Variants in TMEM108 observed in about 807,000 individuals in gnomAD.
TMEM108 encodes transmembrane protein 108, also known as cancer/testis antigen 124.
A neutral mutation model predicts 35.1 loss-of-function variants in TMEM108; 12 were observed. The ratio of observed to expected loss-of-function variants is 0.34; its 90% CI spans 0.22 to 0.55. The LOEUF is 0.55. Ranked by LOEUF, TMEM108 falls within the 20% of genes least tolerant of loss-of-function variation. TMEM108 has a pLI of 0.89. For synonymous variants in TMEM108, 287 were observed against 308.6 expected (o/e 0.93, Z 0.73); for missense variants, 680 against 753.3 (o/e 0.90, Z 1.14).
chr3:133,305,481 A>G (rs935486632), intron 3 of TMEM108, among the ~76,000 whole-genome samples: 1 of 152,000 alleles, frequency 6.6e-6, no homozygotes, highest in Admixed American at 6.6e-5. Flanking sequence ...AACCTGCACA[A>G]TGTGCACATG....
At chr3:133,218,607 G>A (rs1446354242) in intron 2 of TMEM108, among the ~76,000 whole-genome samples, 1 of 151,980 alleles carries the variant, frequency 6.6e-6, no homozygotes, top group Non-Finnish European at 1.5e-5. Flanking sequence ...TTATTATCAT[G>A]TTAGGATGTT....
At position 133,065,598 on chromosome 3, in the gene TMEM108, T is replaced by G. The variant is rs538214580; in HGVS notation, c.-47+19578T>G. Among the ~76,000 whole-genome samples, 4 of 152,210 alleles carry G rather than the reference T, an allele frequency of 2.6e-5. No individual in the cohort carries two copies. The South Asian group carries it at 6.2e-4, about 24-fold the overall frequency. ...TAATTAAGAACATCTATGCTGCATT[T>G]AATTAATAGCTTCTCAACCTTATTT... On this transcript the variant is annotated intron_variant, in intron 2 of 5. Coordinates refer to ENST00000321871, the MANE Select transcript of TMEM108 (RefSeq NM_023943.4).
chr3:133,265,054 A>G (rs1946677592), intron 3 of TMEM108, among the ~76,000 whole-genome samples: 1 of 152,222 alleles, frequency 6.6e-6, no homozygotes, highest in Admixed American at 6.5e-5. Context: ...CTAAACACCA[A>G]CAAGATGGTG....
At chr3:133,116,170 A>G (rs919464684) in intron 2 of TMEM108, among the ~76,000 whole-genome samples, 1 of 152,192 alleles carries the variant, frequency 6.6e-6, no homozygotes, top group African/African-American at 2.4e-5. Flanking sequence ...TGAGTTATCC[A>G]TTTGTAAATT....
At chr3:133,331,505 A>G (rs936338346) in intron 3 of TMEM108, among the ~76,000 whole-genome samples, 2 of 152,198 alleles carry the variant, frequency 1.3e-5, no homozygotes, top group African/African-American at 4.8e-5. Context: ...ACCAATGACA[A>G]ACTATCCAGT....
chr3:133,395,385 G>A (rs777366682), intron 5 of TMEM108, among the ~76,000 whole-genome samples: 11 of 152,186 alleles, frequency 7.2e-5, no homozygotes, highest in African/African-American at 1.9e-4. Context: ...GGAAACAGGC[G>A]AGTGAGTCTA....
At chr3:133,142,959 A>G (rs1944661769) in intron 2 of TMEM108, among the ~76,000 whole-genome samples, 1 of 152,210 alleles carries the variant, frequency 6.6e-6, no homozygotes, top group African/African-American at 2.4e-5. Context: ...GCACCTAATA[A>G]GTGGCATAAA....
intron 5 of TMEM108, among the ~76,000 whole-genome samples, chr3:133,394,783 C>T (rs1158654366): frequency 6.6e-6 from 1 of 152,196 alleles, no homozygotes; most frequent in African/African-American, 2.4e-5. Context: ...ATTTTATCAA[C>T]AATGGCATTT....
chr3:133,313,149 T>C (rs963246931), intron 3 of TMEM108, among the ~76,000 whole-genome samples: 4 of 152,144 alleles, frequency 2.6e-5, no homozygotes, highest in Admixed American at 2.0e-4. Context: ...TTAACAGTTT[T>C]GAAAATACAT....
At chr3:133,181,622 C>T (rs1945346645) in intron 2 of TMEM108, among the ~76,000 whole-genome samples, 1 of 152,056 alleles carries the variant, frequency 6.6e-6, no homozygotes. Context: ...TTTTCAGGCA[C>T]ATTTAAATGG....
chr3:133,343,712 G>T (rs181831004), intron 3 of TMEM108, among the ~76,000 whole-genome samples: 59 of 151,984 alleles, frequency 3.9e-4, no homozygotes, highest in Admixed American at 1.6e-3. Context: ...AAAATGGGCT[G>T]TACAGTGAAA....
At chr3:133,358,568 C>A (rs2072248225) in intron 3 of TMEM108, among the ~76,000 whole-genome samples, 1 of 152,082 alleles carries the variant, frequency 6.6e-6, no homozygotes, top group African/African-American at 2.4e-5. Context: ...TGCACGGATG[C>A]CTTCGTCCAG....
chr3:133,058,210 C>G (rs1354645899), intron 2 of TMEM108, among the ~76,000 whole-genome samples: 1 of 152,068 alleles, frequency 6.6e-6, no homozygotes, highest in Admixed American at 6.5e-5. Context: ...ATCAGATATC[C>G]CACTCCACCT....
chr3:133,074,945 C>T (rs1314003339), intron 2 of TMEM108, among the ~76,000 whole-genome samples: 1 of 152,046 alleles, frequency 6.6e-6, no homozygotes, highest in Admixed American at 6.5e-5. Context: ...ATCCATACAT[C>T]TTTTTGAGTA....
intron 3 of TMEM108, among the ~76,000 whole-genome samples, chr3:133,272,798 T>C (rs1227290710): frequency 6.6e-6 from 1 of 152,034 alleles, no homozygotes; most frequent in African/African-American, 2.4e-5. Context: ...CCAGGGGAGG[T>C]ATTGCCCTCT....
intron 3 of TMEM108, among the ~76,000 whole-genome samples, chr3:133,361,129 C>T (rs149564660): frequency 2.4e-4 from 37 of 152,304 alleles, no homozygotes; most frequent in Non-Finnish European, 4.6e-4. Flanking sequence ...CATTTTTAAA[C>T]CTTGCAATCA....
At chr3:133,372,030 C>T (rs1361887097) in intron 3 of TMEM108, among the ~76,000 whole-genome samples, 1 of 152,196 alleles carries the variant, frequency 6.6e-6, no homozygotes, top group East Asian at 1.9e-4. Context: ...GAAGAATTCT[C>T]AGATGAGTTC....
intron 3 of TMEM108, among the ~76,000 whole-genome samples, chr3:133,280,362 T>C (rs78688903): frequency 0.015 from 2,284 of 152,322 alleles, 68 homozygotes; most frequent in African/African-American, 0.052. Context: ...AATGGCATGC[T>C]CTATATCCTG....
At chr3:133,093,626 C>CT (rs1943975448) in intron 2 of TMEM108, among the ~76,000 whole-genome samples, 1 of 152,192 alleles carries the variant, frequency 6.6e-6, no homozygotes, top group African/African-American at 2.4e-5. Context: ...TGTAGACAGT[C>CT]TATCAGCTCA....
Sources: allele counts gnomAD v4.1 joint callset (sites outside exome capture counted in the v4.1 genomes callset), GRCh38; gene constraint gnomAD v4.1.1; transcripts MANE v1.5; gene names NCBI Gene and HGNC (gene_info 2026-07-23, HGNC 2026-07-21).